GABBR2: variants seen among roughly 807,000 people sequenced by gnomAD.
GABBR2 encodes gamma-aminobutyric acid type B receptor subunit 2.
A neutral mutation model predicts 105.6 loss-of-function variants in GABBR2; 23 were observed. That is an observed-to-expected ratio of 0.22 (90% CI 0.16 to 0.31). The LOEUF is 0.31. GABBR2 is among the 10% of genes least tolerant of loss of function. The pLI is 1.00. For missense variants in GABBR2, 734 were observed against 1,245.5 expected (o/e 0.59, Z 6.18); for synonymous variants, 478 against 499.7 (o/e 0.96, Z 0.58).
Position 98,288,722 on chromosome 9 carries a change from C to T in GABBR2, c.*1862G>A, listed in dbSNP as rs1830239121. The T allele has an allele frequency of 6.6e-6, 1 of 152,536 alleles. No individual in the cohort carries two copies. Among genetic ancestry groups the T allele is most frequent in the Non-Finnish European group, 1.5e-5 (1 of 68,038 alleles). The allele number at this position is 152,536 out of a possible 1,614,324, so 9.4% of individuals were successfully genotyped here. A position where few individuals can be genotyped will look rare whatever the true frequency, so the allele number is the denominator to read the frequency against. The stretch of plus-strand genomic sequence containing the variant: ...TAAACAGAGAATGACTTCAACTTGA[C>T]CTGTGATGTGTTAACATTTTTTTTT... On this transcript the variant is annotated 3_prime_UTR_variant, in exon 19 of 19. Coordinates refer to ENST00000259455, the MANE Select transcript of GABBR2 (RefSeq NM_005458.8).
intron 3 of GABBR2, among the ~76,000 whole-genome samples, chr9:98,499,139 A>G (rs1480795412): frequency 6.6e-6 from 1 of 152,256 alleles, no homozygotes. Flanking sequence ...AGTTCTACAC[A>G]CCACTTAGAA....
At chr9:98,669,771 G>A (rs992371889) in intron 1 of GABBR2, among the ~76,000 whole-genome samples, 3 of 152,080 alleles carry the variant, frequency 2.0e-5, no homozygotes, top group African/African-American at 7.2e-5. Context: ...TGGGATTGAG[G>A]ATGCAGAACA....
chr9:98,436,370 T>A (rs867342276), intron 7 of GABBR2, among the ~76,000 whole-genome samples: 2 of 17,490 alleles, frequency 1.1e-4, no homozygotes, highest in South Asian at 3.0e-3. Context: ...TATATATATA[T>A]ATATATATAT....
intron 1 of GABBR2, among the ~76,000 whole-genome samples, chr9:98,656,083 C>T (rs1258976716): frequency 1.3e-5 from 2 of 152,072 alleles, no homozygotes; most frequent in Admixed American, 6.5e-5. Flanking sequence ...AATATGGCTG[C>T]AGGGTATGGA....
At chr9:98,495,047 C>T (rs557220282) in intron 4 of GABBR2, among the ~76,000 whole-genome samples, 2 of 152,340 alleles carry the variant, frequency 1.3e-5, no homozygotes, top group African/African-American at 4.8e-5. Context: ...CCACCCCACC[C>T]CTGAATCCTC....
chr9:98,362,704 G>T lies in GABBR2; in HGVS notation c.1893+11C>A, dbSNP rs746569009. 1 of 1,524,620 alleles carries T rather than the reference G, an allele frequency of 6.6e-7. No homozygotes were observed. The highest frequency in any genetic ancestry group is 8.8e-7 in the Non-Finnish European group (1 of 1,138,654). The allele number at this position is 1,524,620 out of a possible 1,614,324, so 94.4% of individuals were successfully genotyped here. On this transcript the variant is annotated intron_variant, in intron 13 of 18. Coordinates refer to ENST00000259455, the MANE Select transcript of GABBR2 (RefSeq NM_005458.8). ...CTGCAGGCTTCCCTCCTGCCGGCAT[G>T]GAGGGCTTACCTCCATGCTGTACTT...
At chr9:98,394,783 C>T (rs960064595) in intron 8 of GABBR2, among the ~76,000 whole-genome samples, 5 of 152,180 alleles carry the variant, frequency 3.3e-5, no homozygotes, top group African/African-American at 1.2e-4. Flanking sequence ...TAAAGTCAGT[C>T]TTTCTGTAGA....
intron 1 of GABBR2, among the ~76,000 whole-genome samples, chr9:98,668,134 C>T (rs1830360120): frequency 6.6e-6 from 1 of 152,232 alleles, no homozygotes. Flanking sequence ...CCTCTGCCCC[C>T]TCCCTCCTAC....
chr9:98,344,697 G>A (rs374127986), intron 13 of GABBR2, among the ~76,000 whole-genome samples: 1 of 152,060 alleles, frequency 6.6e-6, no homozygotes, highest in Non-Finnish European at 1.5e-5. Context: ...TCCCTGGCTC[G>A]TCCTCCTGTG....
chr9:98,462,699 T>C (rs1826446336), intron 6 of GABBR2, among the ~76,000 whole-genome samples: 1 of 152,198 alleles, frequency 6.6e-6, no homozygotes. Context: ...CAATCACTGC[T>C]TGCGGATGTG....
intron 13 of GABBR2, among the ~76,000 whole-genome samples, chr9:98,353,090 A>G (rs1487693598): frequency 1.3e-5 from 2 of 152,088 alleles, no homozygotes; most frequent in African/African-American, 2.4e-5. Flanking sequence ...TACTAAGCTA[A>G]TGGCCTGTGA....
chr9:98,624,578 A>G (rs1039316148), intron 1 of GABBR2, among the ~76,000 whole-genome samples: 2 of 152,194 alleles, frequency 1.3e-5, no homozygotes, highest in East Asian at 3.9e-4. Flanking sequence ...GGAGGAAGAG[A>G]GTCTCTCGGG....
chr9:98,497,670 G>T (rs1827310723), intron 3 of GABBR2, among the ~76,000 whole-genome samples: 1 of 152,186 alleles, frequency 6.6e-6, no homozygotes, highest in South Asian at 2.1e-4. Context: ...CGCTTTAGGA[G>T]ATGCTTAAAG....
chr9:98,481,871 G>A (rs139852548), intron 4 of GABBR2, among the ~76,000 whole-genome samples: 235 of 152,332 alleles, frequency 1.5e-3, no homozygotes, highest in African/African-American at 5.2e-3. Context: ...TGACCCCTGT[G>A]ACTCATTCAT....
intron 6 of GABBR2, among the ~76,000 whole-genome samples, chr9:98,455,127 A>G (rs1374298307): frequency 6.6e-6 from 1 of 152,020 alleles, no homozygotes; most frequent in East Asian, 1.9e-4. Flanking sequence ...CCATAATATA[A>G]CAGTCCGAAT....
intron 7 of GABBR2, among the ~76,000 whole-genome samples, chr9:98,439,027 T>C (rs547201751): frequency 7.9e-5 from 12 of 152,280 alleles, no homozygotes; most frequent in African/African-American, 2.6e-4. Flanking sequence ...AACCTTGTCA[T>C]ACGTGTGCCA....
At chr9:98,451,574 C>A (rs934215619) in intron 7 of GABBR2, among the ~76,000 whole-genome samples, 1 of 152,184 alleles carries the variant, frequency 6.6e-6, no homozygotes, top group Non-Finnish European at 1.5e-5. Context: ...GCATTAGAAC[C>A]ACCTGCAGGG....
At chr9:98,598,428 C>T (rs934792837) in intron 1 of GABBR2, among the ~76,000 whole-genome samples, 5 of 152,092 alleles carry the variant, frequency 3.3e-5, no homozygotes, top group African/African-American at 1.2e-4. Context: ...TTGTTAATAT[C>T]GTGCATAAAG....
chr9:98,607,284 C>A, intron 1 of GABBR2: 1 of 934,882 alleles, frequency 1.1e-6, no homozygotes, highest in South Asian at 1.3e-5. Context: ...GAACGGACGT[C>A]AGATGCCTGA....
Sources: gnomAD v4.1 joint callset for allele counts (sites outside exome capture counted in the v4.1 genomes callset) on GRCh38, gnomAD v4.1.1 for gene constraint, MANE v1.5 for transcripts, NCBI Gene and HGNC (gene_info 2026-07-23, HGNC 2026-07-21) for gene names.